The following CACNG3 variants were observed in gnomAD, a reference collection of about 807,000 sequenced individuals.
CACNG3 encodes the protein voltage-dependent calcium channel gamma-3 subunit.
CACNG3 carries 3 observed loss-of-function variants against 28.5 expected under a neutral mutation model. The observed-to-expected ratio is 0.11, with a 90% CI of 0.05 to 0.27. The LOEUF (loss-of-function observed/expected upper bound fraction) is 0.27, where lower values mean the gene tolerates loss of function less well. CACNG3 is among the 10% of genes least tolerant of loss of function. The pLI, the probability that CACNG3 is intolerant of heterozygous loss-of-function variation, is 1.00. For synonymous variants in CACNG3, 174 were observed against 162.2 expected, an observed-to-expected ratio of 1.07 and a Z score of -0.55; for missense variants, 236 against 414.4, an observed-to-expected ratio of 0.57 and a Z score of 3.74.
intron 1 of CACNG3, among the ~76,000 whole-genome samples, chr16:24,297,570 T>G (rs913779351): frequency 3.9e-5 from 6 of 152,286 alleles, no homozygotes; most frequent in South Asian, 4.1e-4. Flanking sequence ...GAGAACCTAC[T>G]ACCTGCCAGG....
intron 1 of CACNG3, among the ~76,000 whole-genome samples, chr16:24,297,738 G>C (rs901107902): frequency 6.6e-6 from 1 of 152,214 alleles, no homozygotes; most frequent in Non-Finnish European, 1.5e-5. Context: ...TGGGGAGGGG[G>C]TGCTGTGGGT....
intron 1 of CACNG3, among the ~76,000 whole-genome samples, chr16:24,260,314 A>G (rs139426927): frequency 1.3e-5 from 2 of 152,344 alleles, no homozygotes; most frequent in African/African-American, 4.8e-5. Flanking sequence ...ATACCTAGGA[A>G]AAAATAAGCT....
intron 1 of CACNG3, among the ~76,000 whole-genome samples, chr16:24,260,876 G>T (rs1457982910): frequency 2.0e-5 from 3 of 152,200 alleles, no homozygotes. Context: ...CTAACCTGCT[G>T]CGTGTTATCA....
intron 1 of CACNG3, among the ~76,000 whole-genome samples, chr16:24,304,809 G>A (rs572602029): frequency 5.9e-5 from 9 of 151,956 alleles, no homozygotes; most frequent in Admixed American, 3.3e-4. Context: ...TGATCCTCCC[G>A]CCTCATCCTC....
intron 1 of CACNG3, among the ~76,000 whole-genome samples, chr16:24,335,957 C>T (rs940694527): frequency 2.0e-5 from 3 of 151,942 alleles, no homozygotes; most frequent in Non-Finnish European, 2.9e-5. Flanking sequence ...CCGCCTGCCT[C>T]GGCCTCCCAA....
intron 1 of CACNG3, among the ~76,000 whole-genome samples, chr16:24,342,759 G>A (rs1182269587): frequency 6.6e-6 from 1 of 152,040 alleles, no homozygotes; most frequent in Non-Finnish European, 1.5e-5. Flanking sequence ...GCTGAAATCT[G>A]AATTTCACAT....
intron 2 of CACNG3, among the ~76,000 whole-genome samples, chr16:24,351,677 A>AGAAAGAAG (rs1298784105): frequency 7.0e-6 from 1 of 142,134 alleles, no homozygotes; most frequent in African/African-American, 2.8e-5. Flanking sequence ...AAAGAAAGAA[A>AGAAAGAAG]GAAAGAAGGA....
intron 2 of CACNG3, among the ~76,000 whole-genome samples, chr16:24,350,193 G>T (rs1407336575): frequency 6.6e-6 from 1 of 152,232 alleles, no homozygotes; most frequent in African/African-American, 2.4e-5. Context: ...GACAGAATCT[G>T]CTTGTATCTC....
At chr16:24,320,019 T>C (rs1899436263) in intron 1 of CACNG3, among the ~76,000 whole-genome samples, 1 of 152,236 alleles carries the variant, frequency 6.6e-6, no homozygotes, top group Non-Finnish European at 1.5e-5. Context: ...TCTGCCTGCC[T>C]TGACCTCCCA....
intron 1 of CACNG3, among the ~76,000 whole-genome samples, chr16:24,318,777 A>G (rs1349294130): frequency 6.6e-6 from 1 of 152,154 alleles, no homozygotes; most frequent in Non-Finnish European, 1.5e-5. Context: ...TGTTCCTTGA[A>G]GCATGGATTA....
intron 2 of CACNG3, among the ~76,000 whole-genome samples, chr16:24,350,382 A>G (rs1025761357): frequency 6.6e-6 from 1 of 150,928 alleles, no homozygotes; most frequent in Non-Finnish European, 1.5e-5. Context: ...TGGCATGATC[A>G]TAGCTCACTG....
chr16:24,303,344 G>GTATTTATTTATTTATTTATT (rs35148228), intron 1 of CACNG3, among the ~76,000 whole-genome samples: 98 of 149,992 alleles, frequency 6.5e-4, no homozygotes, highest in African/African-American at 2.4e-3. Context: ...CTCTATGTGT[G>GTATTTATTTATTTATTTATT]TATTTATTTA....
At chr16:24,263,980 G>A (rs541183690) in intron 1 of CACNG3, among the ~76,000 whole-genome samples, 8 of 152,342 alleles carry the variant, frequency 5.3e-5, no homozygotes, top group African/African-American at 1.4e-4. Context: ...TAAGCAGCAT[G>A]GCTGCTCATG....
chr16:24,283,754 T>C (rs1212820793), intron 1 of CACNG3, among the ~76,000 whole-genome samples: 1 of 152,220 alleles, frequency 6.6e-6, no homozygotes, highest in Non-Finnish European at 1.5e-5. Flanking sequence ...TGAACAGTGT[T>C]TCTCAAAGTG....
chr16:24,310,896 C>T (rs1360103408), intron 1 of CACNG3, among the ~76,000 whole-genome samples: 3 of 152,150 alleles, frequency 2.0e-5, no homozygotes, highest in Non-Finnish European at 2.9e-5. Context: ...TTCCCTGAGC[C>T]TCTCAGTCAG....
At chr16:24,335,990 G>A (rs1819315522) in intron 1 of CACNG3, among the ~76,000 whole-genome samples, 1 of 151,920 alleles carries the variant, frequency 6.6e-6, no homozygotes, top group African/African-American at 2.4e-5. Flanking sequence ...ACAGGCGTCA[G>A]CCACTGTGCC....
intron 1 of CACNG3, among the ~76,000 whole-genome samples, chr16:24,298,999 G>A (rs916444953): frequency 2.0e-5 from 3 of 152,108 alleles, no homozygotes; most frequent in African/African-American, 4.8e-5. Flanking sequence ...AGCCTTGATC[G>A]CCTGTCTGAA....
At chr16:24,346,892 C>A in intron 2 of CACNG3, 75 bp downstream of exon 2, 2 of 1,127,088 alleles carry the variant, frequency 1.8e-6, no homozygotes, top group South Asian at 1.3e-5. Context: ...GCCTCTGAGT[C>A]GGAGCTTCCT....
chr16:24,261,686 T>G (rs1898539304), intron 1 of CACNG3, among the ~76,000 whole-genome samples: 1 of 152,174 alleles, frequency 6.6e-6, no homozygotes, highest in South Asian at 2.1e-4. Flanking sequence ...GAAAGCCCAC[T>G]TATTTAGGAT....
Sources: gnomAD v4.1 joint callset for allele counts (sites outside exome capture counted in the v4.1 genomes callset) on GRCh38, gnomAD v4.1.1 for gene constraint, MANE v1.5 for transcripts, NCBI Gene and HGNC (gene_info 2026-07-23, HGNC 2026-07-21) for gene names.